The following NOB1 variants were observed in gnomAD, a reference collection of about 807,000 sequenced individuals.
NOB1 encodes RNA-binding protein NOB1.
A neutral mutation model predicts 44.8 loss-of-function variants in NOB1; 44 were observed. The observed-to-expected ratio is 0.98, with a 90% CI of 0.77 to 1.26. The LOEUF is 1.26. Among genes scored for constraint, NOB1 ranks in the 50% most tolerant of loss-of-function variants. The pLI is 0.00. For synonymous variants in NOB1, 238 were observed against 218.7 expected (o/e 1.09, Z -0.78); for missense variants, 560 against 544.8 (o/e 1.03, Z -0.28).
At chr16:69,747,932 T>C (rs946334426) in intron 7 of NOB1, among the ~76,000 whole-genome samples, 2 of 152,142 alleles carry the variant, frequency 1.3e-5, no homozygotes, top group African/African-American at 2.4e-5. Context: ...CTGAGGTGGA[T>C]GGATCACTTG....
chr16:69,742,394 C>T lies in NOB1; in HGVS notation c.1177G>A (p.Gly393Arg), dbSNP rs765043201. ...ATLQVRDSTL[G>R]AGRRRLNPNA... The stretch of plus-strand genomic sequence containing the variant: ...GGATTTAAGCGTCTCCGCCCAGCTC[C>T]CAAGGTGCTGTCCCGGACCTGCAGG... The change falls in exon 9 of 9, where the codon GGA becomes AGA. Residue 393 changes from glycine (G) to arginine (R), a missense_variant. Gly to Arg is a moderately radical substitution (Grantham distance 125). Transcript: ENST00000268802. The T allele has an allele frequency of 1.2e-6, 2 of 1,614,124 alleles. No homozygotes were observed. Among genetic ancestry groups the T allele is most frequent in the African/African-American group, 2.7e-5 (2 of 74,932 alleles).
chr16:69,752,524 C>G (rs1374558827), intron 2 of NOB1, among the ~76,000 whole-genome samples, 153 bp from the exon 3 acceptor site: 1 of 152,232 alleles, frequency 6.6e-6, no homozygotes, highest in Non-Finnish European at 1.5e-5. Context: ...AAAACCTTAA[C>G]ACTTTCATCC....
chr16:69,754,506 G>A, intron 2 of NOB1, 88 bp downstream of exon 2: 3 of 1,534,984 alleles, frequency 2.0e-6, no homozygotes, highest in Non-Finnish European at 2.7e-6. Flanking sequence ...GCTCTGATAA[G>A]GCAGCTAGAC....
chr16:69,748,715 A>G (rs1299702859), intron 6 of NOB1: 13 of 558,552 alleles, frequency 2.3e-5, no homozygotes, highest in Non-Finnish European at 3.4e-5. Context: ...AACGTTAAAC[A>G]TTTAATGTAC....
At chr16:69,743,345 T>C (rs1279231302) in intron 8 of NOB1, among the ~76,000 whole-genome samples, 1 of 152,182 alleles carries the variant, frequency 6.6e-6, no homozygotes, top group Non-Finnish European at 1.5e-5. Flanking sequence ...CAGGCAACTT[T>C]AGGTAAGTTC....
Position 69,742,089 on chromosome 16 carries a change from G to T in NOB1, c.*243C>A, listed in dbSNP as rs2038385928. On this transcript the variant is annotated 3_prime_UTR_variant, in exon 9 of 9. Coordinates refer to ENST00000268802, the MANE Select transcript of NOB1 (RefSeq NM_014062.3). Reference sequence around the variant, plus strand: ...TCTTGAAGATTGGCTCCAGGGCGTTGTTCTTTCTGTTTTTATGCAATTGCA... The same window carrying T: ...TCTTGAAGATTGGCTCCAGGGCGTTTTTCTTTCTGTTTTTATGCAATTGCA... 4.2e-6 allele frequency: 2 copies of T among 476,714 alleles called. No homozygotes were observed. Among genetic ancestry groups the T allele is most frequent in the East Asian group, 3.5e-5 (1 of 28,588 alleles). The allele number at this position is 476,714 out of a possible 1,614,324, so 29.5% of individuals were successfully genotyped here.
rs773862518 is a variant in NOB1, at chr16:69,749,000, T to C, written c.644A>G (p.Lys215Arg). Residue 215 changes from lysine (K) to arginine (R), a missense_variant, in exon 6 of 9, where the codon AAG becomes AGG. Transcript: ENST00000268802. ...GGGWITPSNIKQIQQELEQCD... is the reference protein window; with the variant it reads ...GGGWITPSNIRQIQQELEQCD... ...CTGCTCCAGCTCCTGCTGGATCTGCTTGATGTTACTGGGGGTTATCCAGCC... is the reference window on the plus strand; with the variant it reads ...CTGCTCCAGCTCCTGCTGGATCTGCCTGATGTTACTGGGGGTTATCCAGCC... 5.6e-6 allele frequency: 9 copies of C among 1,614,262 alleles called. No individual in the cohort carries two copies. The highest frequency in any genetic ancestry group is 3.3e-4 in the Middle Eastern group (2 of 6,062).
Position 69,749,092 on chromosome 16 carries a change from A to C in NOB1, c.552T>G (p.Ser184Arg). Residue 184 changes from serine to arginine, a missense_variant, in exon 6 of 9, where the codon AGT becomes AGG. Coordinates refer to ENST00000268802, the MANE Select transcript of NOB1 (RefSeq NM_014062.3). Reference protein sequence around the residue: ...LLIDRGEDVPSEEEEEEENGF... With the variant: ...LLIDRGEDVPREEEEEEENGF... Reference sequence around the variant, plus strand: ...CGTTTTCTTCCTCCTCCTCCTCCTCACTTGGAACGTCCTCACCTCTGTCAA... The same window carrying C: ...CGTTTTCTTCCTCCTCCTCCTCCTCCCTTGGAACGTCCTCACCTCTGTCAA... 6.2e-7 allele frequency: 1 copy of C among 1,613,978 alleles called. No individual in the cohort carries two copies. The highest frequency in any genetic ancestry group is 8.5e-7 in the Non-Finnish European group (1 of 1,179,988).
chr16:69,752,657 G>C (rs2038492462), intron 2 of NOB1, among the ~76,000 whole-genome samples: 1 of 152,142 alleles, frequency 6.6e-6, no homozygotes, highest in African/African-American at 2.4e-5. Context: ...AAGTTGGCTG[G>C]GGCCAGGCGT....
At chr16:69,746,530 C>T (rs568149234) in intron 7 of NOB1, among the ~76,000 whole-genome samples, 18 of 152,348 alleles carry the variant, frequency 1.2e-4, no homozygotes, top group African/African-American at 4.1e-4. Context: ...CCGATAGGCA[C>T]GCTGCTTATG....
chr16:69,754,872 A>G lies in NOB1; in HGVS notation c.39T>C (p.Ala13=), dbSNP rs1438255823. 2 of 1,597,720 alleles carry G rather than the reference A, an allele frequency of 1.3e-6. No individual in the cohort carries two copies. Among genetic ancestry groups the G allele is most frequent in the South Asian group, 1.1e-5 (1 of 89,380 alleles). ...CCTGCAGAGCCGCATGCCGCAGGAA[A>G]GCCCCAGCATCCGCCACAACGTGCT... ...PVEHVVADAG[A]FLRHAALQDI... is the part of the protein sequence containing the mutation. Residue 13 remains alanine (A), a synonymous_variant, in exon 1 of 9, where the codon GCT becomes GCC. Transcript: ENST00000268802.
intron 3 of NOB1, 80 bp from the exon 4 acceptor site, chr16:69,749,710 G>C: frequency 9.6e-7 from 1 of 1,039,174 alleles, no homozygotes; most frequent in South Asian, 1.5e-5. Context: ...GGGCACGATG[G>C]CTCATGCCTG....
In NOB1 at chr16:69,752,325, G is replaced by A. The variant is rs746015631; in HGVS notation, c.243C>T (p.Ala81=). Residue 81 remains alanine, a synonymous_variant, in exon 3 of 9, where the codon GCC becomes GCT. Transcript: ENST00000268802. ...TGAGTGCAAGCACTTGGATGTCCGT[G>A]GCAGAGAGGCTGGGGTAGTCTCCTG... ...KKTGDYPSLS[A]TDIQVLALTY... 37 of 1,613,806 alleles carry A rather than the reference G, an allele frequency of 2.3e-5. No individual in the cohort carries two copies. The highest frequency in any genetic ancestry group is 3.1e-5 in the Non-Finnish European group (36 of 1,179,898).
At chr16:69,745,084 A>G (rs1297961905) in intron 7 of NOB1, 67 bp from the exon 8 acceptor site, 8 of 1,570,272 alleles carry the variant, frequency 5.1e-6, no homozygotes, top group Middle Eastern at 1.7e-4. Flanking sequence ...CCAGAGCACA[A>G]GGTGGGTCTC....
At position 69,754,518 on chromosome 16, in the gene NOB1, C is replaced by T. The variant is rs569537222; in HGVS notation, c.196+76G>A. ...ACTGCTCTGATAAGGCAGCTAGACC[C>T]CAACTCGCACCCAACTGGGTGCCAT... On this transcript the variant is annotated intron_variant, in intron 2 of 8. Transcript: ENST00000268802. 16 of 1,576,584 alleles carry T rather than the reference C, an allele frequency of 1.0e-5. No individual in the cohort carries two copies. The South Asian group carries it at 1.8e-4, about 18-fold the overall frequency.
intron 6 of NOB1, among the ~76,000 whole-genome samples, chr16:69,748,566 T>C (rs1243497645): frequency 6.6e-6 from 1 of 152,136 alleles, no homozygotes; most frequent in African/African-American, 2.4e-5. Context: ...GCAAGCTCTC[T>C]CAACAGACAT....
In NOB1 at chr16:69,744,875, G is replaced by A. The variant is rs770379216; in HGVS notation, c.967C>T (p.Arg323Trp). 1.9e-5 allele frequency: 31 copies of A among 1,612,466 alleles called. No homozygotes were observed. The highest frequency in any genetic ancestry group is 2.3e-5 in the Non-Finnish European group (27 of 1,179,854). The change falls in exon 8 of 9, where the codon CGG (arginine) becomes TGG (tryptophan). Residue 323 changes from arginine (R) to tryptophan (W), a missense_variant and splice_region_variant. By Grantham distance (101) the Arg-to-Trp change is moderately radical. Transcript: ENST00000268802. ...NPKVLNPRGLRYSLPTPKGGK... is the reference protein window; with the variant it reads ...NPKVLNPRGLWYSLPTPKGGK... ...GGACTGGGAGAGGCGCCACTCACCC[G>A]GAGGCCGCGGGGGTTCAGCACCTTG... is the stretch of plus-strand genomic sequence containing the variant.
chr16:69,748,038 G>A (rs1233365871), intron 7 of NOB1, among the ~76,000 whole-genome samples, 194 bp downstream of exon 7: 1 of 152,140 alleles, frequency 6.6e-6, no homozygotes, highest in Non-Finnish European at 1.5e-5. Context: ...AGTGGTATGT[G>A]CCTCTAGTTC....
intron 7 of NOB1, among the ~76,000 whole-genome samples, chr16:69,746,541 T>C (rs528948205): frequency 6.6e-6 from 1 of 152,346 alleles, no homozygotes; most frequent in East Asian, 1.9e-4. Flanking sequence ...GCTGCTTATG[T>C]ATTGGATACC....
Sources: gnomAD v4.1 joint callset for allele counts (sites outside exome capture counted in the v4.1 genomes callset) on GRCh38, gnomAD v4.1.1 for gene constraint, MANE v1.5 for transcripts, NCBI Gene and HGNC (gene_info 2026-07-23, HGNC 2026-07-21) for gene names.